The following DNAJB4 variants were observed in gnomAD, a reference collection of about 807,000 sequenced individuals.
The protein encoded by DNAJB4 is dnaJ homolog subfamily B member 4.
DNAJB4 carries 10 observed loss-of-function variants against 26.6 expected under a neutral mutation model. That is an observed-to-expected ratio of 0.38 (90% CI 0.23 to 0.64). The LOEUF (loss-of-function observed/expected upper bound fraction) is 0.64, where lower values mean the gene tolerates loss of function less well. Ranked by LOEUF, DNAJB4 falls within the 30% of genes least tolerant of loss-of-function variation. The pLI, the probability that DNAJB4 is intolerant of heterozygous loss-of-function variation, is 0.58. For synonymous variants in DNAJB4, 136 were observed against 134.8 expected, an observed-to-expected ratio of 1.01 and a Z score of -0.06; for missense variants, 328 against 408.2, an observed-to-expected ratio of 0.80 and a Z score of 1.69.
At chr1:78,006,132 T>C (rs549525023) in intron 1 of DNAJB4, among the ~76,000 whole-genome samples, 1 of 152,292 alleles carries the variant, frequency 6.6e-6, no homozygotes, top group East Asian at 1.9e-4. Flanking sequence ...TTCCCTTTCC[T>C]CTCCCTGCCA....
chr1:77,987,897 A>G (rs1429719895), intron 1 of DNAJB4, among the ~76,000 whole-genome samples: 8 of 148,964 alleles, frequency 5.4e-5, no homozygotes, highest in African/African-American at 1.7e-4. Flanking sequence ...AGCCATATGT[A>G]TATATGTATA....
At position 77,990,161 on chromosome 1, in the gene DNAJB4, T is replaced by C. The variant is rs1030714595; in HGVS notation, c.-32+9839T>C. On this transcript the variant is annotated intron_variant, in intron 1 of 2. Coordinates refer to the DNAJB4 transcript ENST00000426517. ...TAGAAAGAAGATATGAATGGTTCTT[T>C]GGTATGTAACCAGCAGTGTCTGCCG... 7.2e-5 allele frequency among the ~76,000 whole-genome samples: 11 copies of C among 152,344 alleles called. No individual in the cohort carries two copies. The East Asian group carries it at 1.9e-3, about 27-fold the overall frequency.
Position 78,013,563 on chromosome 1 carries a change from A to G in DNAJB4, c.724A>G (p.Lys242Glu), listed in dbSNP as rs758240279. ...TATCATTAAAGACAAAGATCATCCA[A>G]AATTTAAAAGGGATGGATCAAATAT... ...VFIIKDKDHPKFKRDGSNIIY... is the reference protein window; with the variant it reads ...VFIIKDKDHPEFKRDGSNIIY... Residue 242 changes from lysine to glutamate, a missense_variant, in exon 2 of 3, where the codon AAA becomes GAA. By Grantham distance (56) the Lys-to-Glu change is moderately conservative (BLOSUM62 1). Coordinates refer to ENST00000370763, the MANE Select transcript of DNAJB4 (RefSeq NM_007034.5). The G allele has an allele frequency of 1.2e-6, 2 of 1,610,090 alleles. No individual in the cohort carries two copies. Among genetic ancestry groups the G allele is most frequent in the Non-Finnish European group, 1.7e-6 (2 of 1,179,408 alleles).
intron 1 of DNAJB4, among the ~76,000 whole-genome samples, chr1:77,998,040 G>T (rs1187034215): frequency 6.6e-6 from 1 of 152,186 alleles, no homozygotes; most frequent in Non-Finnish European, 1.5e-5. Flanking sequence ...TTCCCAAAGT[G>T]CTGGGATTAC....
At chr1:77,991,001 G>A (rs138799863) in intron 1 of DNAJB4, among the ~76,000 whole-genome samples, 111 of 152,244 alleles carry the variant, frequency 7.3e-4, no homozygotes, top group African/African-American at 2.5e-3. Flanking sequence ...AAGGTGATGT[G>A]TAATACAGTG....
intron 1 of DNAJB4, among the ~76,000 whole-genome samples, chr1:77,988,310 A>G (rs1659848658): frequency 6.6e-6 from 1 of 152,096 alleles, no homozygotes; most frequent in Non-Finnish European, 1.5e-5. Context: ...GGTCTGAGCC[A>G]CTGTGCCCAT....
chr1:78,014,705 A>G (rs944050519), intron 2 of DNAJB4, among the ~76,000 whole-genome samples: 1 of 151,850 alleles, frequency 6.6e-6, no homozygotes, highest in Admixed American at 6.6e-5. Flanking sequence ...GGTTCAAGTA[A>G]TTCTCCTGCC....
At chr1:78,001,828 G>A (rs1660202244), upstream of DNAJB4, among the ~76,000 whole-genome samples, 1 of 152,078 alleles carries the variant, frequency 6.6e-6, no homozygotes, top group Admixed American at 6.6e-5. Flanking sequence ...TCACCTGACT[G>A]TACTTTTCTT....
chr1:78,015,338 A>T (rs1242399786), intron 2 of DNAJB4, among the ~76,000 whole-genome samples: 1 of 152,004 alleles, frequency 6.6e-6, no homozygotes, highest in Non-Finnish European at 1.5e-5. Flanking sequence ...CTCTTCTCCC[A>T]TTCCAATCCC....
chr1:77,980,827 A>G (rs970326536), intron 1 of DNAJB4, among the ~76,000 whole-genome samples: 1 of 152,194 alleles, frequency 6.6e-6, no homozygotes, highest in Admixed American at 6.5e-5. Context: ...GTATCCATTT[A>G]TAGCTCTGAT....
chr1:78,006,131 C>T (rs919576902), intron 1 of DNAJB4, among the ~76,000 whole-genome samples: 5 of 152,132 alleles, frequency 3.3e-5, no homozygotes, highest in African/African-American at 4.8e-5. Flanking sequence ...CTTCCCTTTC[C>T]TCTCCCTGCC....
At chr1:78,012,572 G>A (rs146222288) in intron 1 of DNAJB4, among the ~76,000 whole-genome samples, 4 of 152,070 alleles carry the variant, frequency 2.6e-5, no homozygotes, top group Non-Finnish European at 5.9e-5. Context: ...CACTTTGGGA[G>A]GCCAAGGCAG....
intron 1 of DNAJB4, among the ~76,000 whole-genome samples, chr1:77,994,029 G>A (rs1390690354): frequency 6.6e-6 from 1 of 152,088 alleles, no homozygotes; most frequent in Non-Finnish European, 1.5e-5. Context: ...TGGTAGCAGT[G>A]GTTTCGTGAT....
At chr1:77,982,901 G>T (rs917959540) in intron 1 of DNAJB4, among the ~76,000 whole-genome samples, 6 of 152,198 alleles carry the variant, frequency 3.9e-5, no homozygotes, top group African/African-American at 1.4e-4. Context: ...GTTAATGTAG[G>T]GGTGGGTTGC....
At chr1:77,998,088 T>C (rs371448185) in intron 1 of DNAJB4, among the ~76,000 whole-genome samples, 1 of 152,204 alleles carries the variant, frequency 6.6e-6, no homozygotes, top group South Asian at 2.1e-4. Flanking sequence ...TTTGACTATC[T>C]TTAAAGCTCT....
chr1:78,000,754 C>T (rs750504180), upstream of DNAJB4, among the ~76,000 whole-genome samples: 13 of 151,904 alleles, frequency 8.6e-5, no homozygotes, highest in African/African-American at 2.2e-4. Flanking sequence ...GAGGCCAAGG[C>T]GGGTGAATCA....
upstream of DNAJB4, among the ~76,000 whole-genome samples, chr1:78,001,642 T>C (rs1461602971): frequency 1.3e-5 from 2 of 152,214 alleles, no homozygotes; most frequent in Admixed American, 1.3e-4. Context: ...AATAACAAAT[T>C]ATACTTTTAG....
intron 1 of DNAJB4, among the ~76,000 whole-genome samples, chr1:78,012,443 T>C (rs1660512403): frequency 6.6e-6 from 1 of 151,156 alleles, no homozygotes; most frequent in Non-Finnish European, 1.5e-5. Context: ...ATTACAGGCA[T>C]GAGCCTCTGC....
intron 1 of DNAJB4, among the ~76,000 whole-genome samples, chr1:77,991,957 A>G (rs775570296): frequency 5.9e-5 from 9 of 152,214 alleles, no homozygotes; most frequent in Non-Finnish European, 8.8e-5. Flanking sequence ...GAGGTTATGT[A>G]TTGACCAGTT....
Sources: allele counts gnomAD v4.1 joint callset (sites outside exome capture counted in the v4.1 genomes callset), GRCh38; gene constraint gnomAD v4.1.1; transcripts MANE v1.5; gene names NCBI Gene and HGNC (gene_info 2026-07-23, HGNC 2026-07-21).